PEMT: variants seen among roughly 807,000 people sequenced by gnomAD.
PEMT encodes phospholipid methyltransferase.
In PEMT, 23 loss-of-function variants were observed where a neutral mutation model predicts 27.4. The ratio of observed to expected loss-of-function variants is 0.84; its 90% CI spans 0.60 to 1.19. The LOEUF (loss-of-function observed/expected upper bound fraction) is 1.19, where lower values mean the gene tolerates loss of function less well. PEMT is among the 50% of genes most tolerant of loss of function. The pLI, the probability that PEMT is intolerant of heterozygous loss-of-function variation, is 0.00. For missense variants in PEMT, 307 were observed against 310.1 expected (o/e 0.99, Z 0.07); for synonymous variants, 137 against 139.1 (o/e 0.98, Z 0.11).
intron 2 of PEMT, chr17:17,570,953 G>T (rs1269206787): frequency 2.0e-6 from 2 of 977,102 alleles, no homozygotes; most frequent in South Asian, 4.7e-5. Flanking sequence ...CATTGGGGAG[G>T]TCTTGGCAGG....
At chr17:17,550,700 T>C in intron 2 of PEMT, among the ~76,000 whole-genome samples, 1 of 152,240 alleles carries the variant, frequency 6.6e-6, no homozygotes, top group East Asian at 1.9e-4. Context: ...AGGTCGCAGG[T>C]GGCTAGAGCC....
At chr17:17,521,400 G>C (rs945903407) in intron 3 of PEMT, among the ~76,000 whole-genome samples, 1 of 152,158 alleles carries the variant, frequency 6.6e-6, no homozygotes, top group Non-Finnish European at 1.5e-5. Context: ...CACATTCCAC[G>C]CAGGTGGGCC....
At chr17:17,509,217 C>G (rs1906148369) in intron 5 of PEMT, among the ~76,000 whole-genome samples, 1 of 152,266 alleles carries the variant, frequency 6.6e-6, no homozygotes, top group African/African-American at 2.4e-5. Context: ...CTCCAGCCCT[C>G]TTTGGAGAAG....
In PEMT at chr17:17,591,703, G is replaced by A. The variant is rs1912601419; in HGVS notation, c.-77C>T. 1 of 1,518,112 alleles carries A rather than the reference G, an allele frequency of 6.6e-7. No homozygotes were observed. Among genetic ancestry groups the A allele is most frequent in the Non-Finnish European group, 8.9e-7 (1 of 1,129,582 alleles). The allele number at this position is 1,518,112 out of a possible 1,614,324, so 94.0% of individuals were successfully genotyped here. On this transcript the variant is annotated 5_prime_UTR_variant, in exon 1 of 7. Transcript: ENST00000255389. ...CCCGGAACCGGACCTATAGAGCCGGGTAAGTGCCGCCAGTCGGGGCGCTTT... is the reference window on the plus strand; with the variant it reads ...CCCGGAACCGGACCTATAGAGCCGGATAAGTGCCGCCAGTCGGGGCGCTTT...
At chr17:17,549,704 A>G (rs1370448808) in intron 2 of PEMT, among the ~76,000 whole-genome samples, 3 of 152,242 alleles carry the variant, frequency 2.0e-5, no homozygotes, top group African/African-American at 7.2e-5. Flanking sequence ...GTCTCCACTC[A>G]GCTCCCTGAG....
Position 17,532,397 on chromosome 17 carries a change from G to T in PEMT, c.205-10002C>A, listed in dbSNP as rs147567313. Among the ~76,000 whole-genome samples the T allele has an allele frequency of 5.4e-3, 817 of 152,208 alleles. 11 individuals are homozygous for T. Among genetic ancestry groups the T allele is most frequent in the African/African-American group, 0.019 (776 of 41,544 alleles). ...CACATTTGCAATAAAAAGTCTGAAA[G>T]CAGGAATCAAAAAAACAATTCCATT... On this transcript the variant is annotated intron_variant, in intron 2 of 6. Coordinates refer to ENST00000255389, the MANE Select transcript of PEMT (RefSeq NM_148172.3).
chr17:17,586,226 AAG>A (rs1159418307), intron 1 of PEMT, among the ~76,000 whole-genome samples: 1 of 77,576 alleles, frequency 1.3e-5, no homozygotes, highest in Non-Finnish European at 2.4e-5. Context: ...AAAAGAAAGA[AAG>A]AAAGAAAGAA....
chr17:17,560,734 A>G (rs1218629593), intron 2 of PEMT, among the ~76,000 whole-genome samples: 1 of 152,088 alleles, frequency 6.6e-6, no homozygotes, highest in Admixed American at 6.5e-5. Flanking sequence ...GGTCCCAACC[A>G]AGCCACCCTT....
At chr17:17,590,286 G>T (rs572807214) in intron 1 of PEMT, among the ~76,000 whole-genome samples, 2 of 152,174 alleles carry the variant, frequency 1.3e-5, no homozygotes. Flanking sequence ...TCTGGCCAAC[G>T]GTCCTGCGCT....
chr17:17,526,318 G>T (rs990551086), intron 2 of PEMT, among the ~76,000 whole-genome samples: 4 of 152,102 alleles, frequency 2.6e-5, no homozygotes, highest in African/African-American at 7.2e-5. Flanking sequence ...CGAGACCCAG[G>T]GACACCATCC....
Position 17,506,296 on chromosome 17 carries a change from G to A in PEMT, c.584C>T (p.Ala195Val), listed in dbSNP as rs1567655731. ...CGTCAGGAGCAGGCCCGTGGGGCTGGCGTGCCTGAAAGGACAGAGGCAGGT... is the reference window on the plus strand; with the variant it reads ...CGTCAGGAGCAGGCCCGTGGGGCTGACGTGCCTGAAAGGACAGAGGCAGGT... ...ANYLGWAIMH[A>V]SPTGLLLTVL... The change falls in exon 6 of 7, where the codon GCC (alanine) becomes GTC (valine). Residue 195 changes from alanine to valine, a missense_variant. Physicochemically the swap from Ala to Val is moderately conservative, Grantham distance 64. Coordinates refer to ENST00000255389, the MANE Select transcript of PEMT (RefSeq NM_148172.3). 1.3e-6 allele frequency: 2 copies of A among 1,576,502 alleles called. No individual in the cohort carries two copies. The highest frequency in any genetic ancestry group is 1.7e-6 in the Non-Finnish European group (2 of 1,160,324).
intron 2 of PEMT, among the ~76,000 whole-genome samples, chr17:17,556,364 C>T (rs1303991616): frequency 7.0e-6 from 1 of 143,248 alleles, no homozygotes; most frequent in African/African-American, 2.7e-5. Flanking sequence ...TTCCTTCCTG[C>T]TCTCTCTCTC....
chr17:17,546,308 G>C (rs2142624119), intron 2 of PEMT, among the ~76,000 whole-genome samples: 1 of 152,298 alleles, frequency 6.6e-6, no homozygotes, highest in South Asian at 2.1e-4. Flanking sequence ...CACTGCCCCT[G>C]GGTTTGGCCG....
intron 2 of PEMT, among the ~76,000 whole-genome samples, chr17:17,542,309 G>A (rs761831483): frequency 1.3e-5 from 2 of 152,204 alleles, no homozygotes; most frequent in Admixed American, 6.5e-5. Context: ...GGCAAACACC[G>A]TGCCAAGCAA....
intron 3 of PEMT, among the ~76,000 whole-genome samples, chr17:17,514,641 G>C (rs1404638346): frequency 6.6e-6 from 1 of 152,242 alleles, no homozygotes; most frequent in Non-Finnish European, 1.5e-5. Context: ...CGCAGCTCCA[G>C]GCCGAGCCTC....
At chr17:17,533,109 G>C (rs538535451) in intron 2 of PEMT, among the ~76,000 whole-genome samples, 32 of 152,330 alleles carry the variant, frequency 2.1e-4, no homozygotes, top group African/African-American at 7.5e-4. Flanking sequence ...CAGTAATCAA[G>C]ACAGTGTGGC....
At chr17:17,577,579 G>T in intron 1 of PEMT, 1 of 912,690 alleles carries the variant, frequency 1.1e-6, no homozygotes, top group Non-Finnish European at 1.3e-6. Context: ...GGGGGCACGT[G>T]GACACTGCCC....
chr17:17,591,378 C>T (rs1912578620), intron 1 of PEMT, 153 bp downstream of exon 1: 1 of 658,796 alleles, frequency 1.5e-6, no homozygotes, highest in Non-Finnish European at 2.6e-6. Context: ...GGCGCTCCCG[C>T]ACGCGGCTCC....
intron 2 of PEMT, among the ~76,000 whole-genome samples, chr17:17,543,167 G>A (rs555426927): frequency 9.2e-5 from 14 of 152,236 alleles, no homozygotes; most frequent in Non-Finnish European, 2.1e-4. Context: ...GAGAAGCCAC[G>A]TCGTGTCCTA....
Sources: allele counts gnomAD v4.1 joint callset (sites outside exome capture counted in the v4.1 genomes callset), GRCh38; gene constraint gnomAD v4.1.1; transcripts MANE v1.5; gene names NCBI Gene and HGNC (gene_info 2026-07-23, HGNC 2026-07-21).